Variants in STX18 observed in about 807,000 individuals in gnomAD.
STX18 encodes the protein syntaxin-18.
In STX18, 40 loss-of-function variants were observed where a neutral mutation model predicts 50.1. The ratio of observed to expected loss-of-function variants is 0.80; its 90% CI spans 0.62 to 1.04. The LOEUF (loss-of-function observed/expected upper bound fraction) is 1.04, where lower values mean the gene tolerates loss of function less well. Ranked by LOEUF, STX18 falls within the 50% of genes least tolerant of loss-of-function variation. The probability of loss-of-function intolerance (pLI) is 0.00; values close to 1 mark genes in which losing one functional copy is unlikely to be tolerated. For synonymous variants in STX18, 158 were observed against 151.8 expected, an observed-to-expected ratio of 1.04 and a Z score of -0.30; for missense variants, 410 against 415.8, an observed-to-expected ratio of 0.99 and a Z score of 0.12.
At chr4:4,447,694 C>A (rs1297423473) in intron 5 of STX18, among the ~76,000 whole-genome samples, 1 of 147,574 alleles carries the variant, frequency 6.8e-6, no homozygotes. Context: ...GCTAACTCAG[C>A]ACAGTCTACA....
At chr4:4,507,385 A>C (rs1364149694) in intron 1 of STX18, 1 of 755,918 alleles carries the variant, frequency 1.3e-6, no homozygotes, top group African/African-American at 1.7e-5. Flanking sequence ...AGCTATCACA[A>C]TCTTTGTTCC....
At chr4:4,490,429 A>G (rs1005965249) in intron 1 of STX18, among the ~76,000 whole-genome samples, 4 of 152,338 alleles carry the variant, frequency 2.6e-5, no homozygotes, top group Non-Finnish European at 4.4e-5. Context: ...TGAGATTTAA[A>G]ACAAATTTCA....
chr4:4,419,718 T>C lies in STX18; in HGVS notation c.*316A>G, dbSNP rs1724827878. ...GGGCTCTTGAGGCCTGCTGTGCCCCTGCTGCCAAGGCAGCCTCAAGTTCAA... is the reference window on the plus strand; with the variant it reads ...GGGCTCTTGAGGCCTGCTGTGCCCCCGCTGCCAAGGCAGCCTCAAGTTCAA... On this transcript the variant is annotated 3_prime_UTR_variant, in exon 11 of 11. Transcript: ENST00000306200. The C allele has an allele frequency of 4.0e-6, 1 of 252,434 alleles. No individual in the cohort carries two copies. The highest frequency in any genetic ancestry group is 7.6e-6 in the Non-Finnish European group (1 of 130,850). 15.6% of individuals were successfully genotyped at this position (252,434 alleles called of 1,614,324 possible).
intron 1 of STX18, among the ~76,000 whole-genome samples, chr4:4,494,907 G>A (rs1436072309): frequency 6.6e-6 from 1 of 152,170 alleles, no homozygotes; most frequent in Non-Finnish European, 1.5e-5. Flanking sequence ...CTGAAAGCAG[G>A]AGAAGAGGGA....
chr4:4,453,156 C>G (rs1231319731), intron 5 of STX18, among the ~76,000 whole-genome samples: 2 of 152,190 alleles, frequency 1.3e-5, no homozygotes, highest in African/African-American at 4.8e-5. Context: ...ATTGCATAAA[C>G]TTGGTTGACA....
At chr4:4,458,096 G>A (rs775014555) in intron 3 of STX18, among the ~76,000 whole-genome samples, 1 of 152,220 alleles carries the variant, frequency 6.6e-6, no homozygotes, top group East Asian at 1.9e-4. Context: ...CACTGACTGA[G>A]AGACTGAGTG....
At chr4:4,514,663 C>A (rs760570877) in intron 1 of STX18, among the ~76,000 whole-genome samples, 27 of 152,042 alleles carry the variant, frequency 1.8e-4, no homozygotes, top group Non-Finnish European at 3.8e-4. Context: ...AGCTTACAAT[C>A]CAGTGAAAGT....
chr4:4,473,417 G>A (rs531210559), intron 1 of STX18, among the ~76,000 whole-genome samples: 4 of 150,462 alleles, frequency 2.7e-5, no homozygotes, highest in African/African-American at 9.8e-5. Context: ...CTCAGCCTCC[G>A]GAGTAGCTGG....
At chr4:4,470,986 G>A (rs1055061714) in intron 2 of STX18, among the ~76,000 whole-genome samples, 4 of 152,160 alleles carry the variant, frequency 2.6e-5, no homozygotes, top group Non-Finnish European at 1.5e-5. Context: ...ACTAGACTTA[G>A]CCACCAGAAG....
chr4:4,425,551 AG>A (rs775667563), intron 7 of STX18: 40 of 423,390 alleles, frequency 9.4e-5, no homozygotes, highest in Non-Finnish European at 1.5e-4. Flanking sequence ...TCCTGACTCT[AG>A]TACCATTATT....
At chr4:4,527,418 T>C (rs1730820927) in intron 1 of STX18, among the ~76,000 whole-genome samples, 3 of 152,246 alleles carry the variant, frequency 2.0e-5, no homozygotes, top group Admixed American at 6.5e-5. Context: ...ATTACTTTAA[T>C]GGAAACTTTT....
intron 1 of STX18, among the ~76,000 whole-genome samples, chr4:4,535,048 T>C: frequency 6.6e-6 from 1 of 152,220 alleles, no homozygotes; most frequent in East Asian, 1.9e-4. Context: ...ACTGCCCTAC[T>C]GTTGTGTGCC....
Position 4,420,151 on chromosome 4 carries a change from G to A in STX18, c.913-22C>T. 1.3e-6 allele frequency: 2 copies of A among 1,590,746 alleles called. No individual in the cohort carries two copies. The highest frequency in any genetic ancestry group is 8.6e-7 in the Non-Finnish European group (1 of 1,168,576). The stretch of plus-strand genomic sequence containing the variant: ...TGGCCTGGGCAGGGACGGGAGCACA[G>A]GTGTTTTTATCACACAGGATTTTGG... On this transcript the variant is annotated intron_variant, in intron 10 of 10. Transcript: ENST00000306200. This position sits in a 1 kb window ranked among gnomAD's most constrained non-coding sequence, Gnocchi z 4.3.
intron 8 of STX18, among the ~76,000 whole-genome samples, chr4:4,424,061 C>G (rs1725110385): frequency 6.6e-6 from 1 of 152,132 alleles, no homozygotes; most frequent in Non-Finnish European, 1.5e-5. Context: ...GTGTATTTAC[C>G]TTCAAACCAA....
At chr4:4,495,524 G>C (rs1056731866) in intron 1 of STX18, among the ~76,000 whole-genome samples, 4 of 150,952 alleles carry the variant, frequency 2.6e-5, no homozygotes, top group African/African-American at 9.8e-5. Flanking sequence ...AAGTAACTGG[G>C]ACTACAGGCA....
intron 1 of STX18, among the ~76,000 whole-genome samples, chr4:4,530,199 A>G (rs575529635): frequency 1.3e-4 from 20 of 152,250 alleles, no homozygotes; most frequent in African/African-American, 4.8e-4. Context: ...ATTCTGGATG[A>G]TAGAAGCAGA....
intron 3 of STX18, among the ~76,000 whole-genome samples, 167 bp downstream of exon 3, chr4:4,459,204 CT>C (rs1380805660): frequency 6.6e-6 from 1 of 152,176 alleles, no homozygotes; most frequent in African/African-American, 2.4e-5. Flanking sequence ...CTTTGCAGTA[CT>C]TTTAACAGCT....
chr4:4,434,797 A>ATCT lies in STX18; in HGVS notation c.672_674dup (p.Glu224dup), dbSNP rs1176244973. 2.5e-6 allele frequency: 4 copies of ATCT among 1,607,412 alleles called. No individual in the cohort carries two copies. The highest frequency in any genetic ancestry group is 2.3e-5 in the South Asian group (2 of 88,800). ...TTTGTATTTCTTCTGGGGATAACTC[A>ATCT]TCTTCGCCTTTGCCATCTCCCCACG... On this transcript the variant is annotated inframe_insertion, in exon 7 of 11. Transcript: ENST00000306200.
intron 1 of STX18, chr4:4,507,476 T>C: frequency 1.3e-6 from 1 of 762,070 alleles, no homozygotes; most frequent in South Asian, 1.3e-5. Flanking sequence ...GGAAAGCATA[T>C]TATCTTTATC....
Sources: allele counts gnomAD v4.1 joint callset (sites outside exome capture counted in the v4.1 genomes callset), GRCh38; gene constraint gnomAD v4.1.1; non-coding constraint Gnocchi (gnomAD v3.1); transcripts MANE v1.5; gene names NCBI Gene and HGNC (gene_info 2026-07-23, HGNC 2026-07-21).